The following SELENOI variants were observed in gnomAD, a reference collection of about 807,000 sequenced individuals.
The protein encoded by SELENOI is selenoprotein I.
A neutral mutation model predicts 50.7 loss-of-function variants in SELENOI; 24 were observed. The ratio of observed to expected loss-of-function variants is 0.47; its 90% CI spans 0.34 to 0.67. The LOEUF is 0.67. Among genes scored for constraint, SELENOI ranks in the 30% least tolerant of loss-of-function variants. The pLI is 0.01. For missense variants in SELENOI, 352 were observed against 461.4 expected, an observed-to-expected ratio of 0.76 and a Z score of 2.17; for synonymous variants, 155 against 170.2, an observed-to-expected ratio of 0.91 and a Z score of 0.70.
At position 26,394,784 on chromosome 2, in the gene SELENOI, G is replaced by C. The variant is rs1304516526; in HGVS notation, c.*5681G>C. The C allele has an allele frequency of 3.3e-5, 5 of 152,118 alleles. No individual in the cohort carries two copies. Among genetic ancestry groups the C allele is most frequent in the Non-Finnish European group, 7.3e-5 (5 of 68,030 alleles). The allele number at this position is 152,118 out of a possible 1,614,324, so 9.4% of individuals were successfully genotyped here. A position where few individuals can be genotyped will look rare whatever the true frequency, so the allele number is the denominator to read the frequency against. On this transcript the variant is annotated 3_prime_UTR_variant, in exon 10 of 10. Coordinates refer to ENST00000260585, the MANE Select transcript of SELENOI (RefSeq NM_033505.4). The surrounding 1 kb of genome is among the most constrained non-coding windows in gnomAD (Gnocchi z 4.1). ...TACAGTAAATTTGTAGCCAGTTGTA[G>C]AAAAAGAAATTGATATCTTTCTGAG...
intron 3 of SELENOI, 39 bp downstream of exon 3, chr2:26,364,979 A>G (rs1558414917): frequency 7.2e-7 from 1 of 1,386,964 alleles, no homozygotes; most frequent in Non-Finnish European, 9.8e-7. Flanking sequence ...AACTGAGTAG[A>G]AAAAAATGAA....
intron 1 of SELENOI, among the ~76,000 whole-genome samples, chr2:26,353,362 T>C (rs1676998912): frequency 6.6e-6 from 1 of 152,164 alleles, no homozygotes; most frequent in Non-Finnish European, 1.5e-5. Flanking sequence ...TTAGAGGACA[T>C]TTCTGTAAAA....
At chr2:26,346,436 G>A (rs1409389374) in intron 1 of SELENOI, 147 bp downstream of exon 1, 17 of 984,530 alleles carry the variant, frequency 1.7e-5, no homozygotes, top group Non-Finnish European at 2.3e-5. Flanking sequence ...GCGGGTCCTG[G>A]GGATTGGGGG....
intron 5 of SELENOI, among the ~76,000 whole-genome samples, chr2:26,374,486 T>C (rs954471393): frequency 2.0e-5 from 3 of 152,154 alleles, no homozygotes; most frequent in Non-Finnish European, 4.4e-5. Flanking sequence ...GAGTTGCTGT[T>C]AAAGTGCTCC....
chr2:26,376,112 AT>A (rs1482839654), intron 6 of SELENOI, among the ~76,000 whole-genome samples: 3 of 151,360 alleles, frequency 2.0e-5, no homozygotes, highest in Non-Finnish European at 4.4e-5. Flanking sequence ...AAAAAAAAGA[AT>A]AAATAAAAAA....
chr2:26,356,994 T>G (rs1677078368), intron 1 of SELENOI, among the ~76,000 whole-genome samples: 2 of 152,116 alleles, frequency 1.3e-5, no homozygotes, highest in Non-Finnish European at 1.5e-5. Context: ...GTCTTTCGTT[T>G]TCTCTCTCTT....
intron 8 of SELENOI, among the ~76,000 whole-genome samples, chr2:26,385,443 A>G (rs1677818621): frequency 1.3e-5 from 2 of 152,238 alleles, no homozygotes. Flanking sequence ...TAGACTCTAA[A>G]TATATTACCA....
At chr2:26,358,610 T>C (rs958456476) in intron 1 of SELENOI, among the ~76,000 whole-genome samples, 1 of 152,208 alleles carries the variant, frequency 6.6e-6, no homozygotes, top group African/African-American at 2.4e-5. Context: ...ATTATTAGCA[T>C]GACCAGATTT....
chr2:26,353,533 T>C (rs1677002019), intron 1 of SELENOI, among the ~76,000 whole-genome samples: 1 of 152,246 alleles, frequency 6.6e-6, no homozygotes, highest in South Asian at 2.1e-4. Flanking sequence ...GCATAACTTA[T>C]CTTTAATTGT....
At chr2:26,350,106 CAA>C (rs5830006) in intron 1 of SELENOI, among the ~76,000 whole-genome samples, 2 of 141,420 alleles carry the variant, frequency 1.4e-5, no homozygotes, top group Admixed American at 7.1e-5. Context: ...GACCCTGACT[CAA>C]AAAAAAAAAG....
At chr2:26,372,907 G>C (rs1677486810) in intron 4 of SELENOI, among the ~76,000 whole-genome samples, 2 of 151,936 alleles carry the variant, frequency 1.3e-5, no homozygotes, top group South Asian at 4.2e-4. Context: ...ATTTTTTTTA[G>C]AGGCAGGATC....
intron 4 of SELENOI, among the ~76,000 whole-genome samples, chr2:26,371,644 C>A (rs540169659): frequency 6.6e-6 from 1 of 152,212 alleles, no homozygotes; most frequent in African/African-American, 2.4e-5. Flanking sequence ...GGATCACTCG[C>A]GGTTAGGAGC....
At position 26,355,089 on chromosome 2, in the gene SELENOI, A is replaced by G. The variant is rs78891418; in HGVS notation, c.57+8800A>G. On this transcript the variant is annotated intron_variant, in intron 1 of 9. Transcript: ENST00000260585. ...CCCATAGGATAATTCTGAAAACTGA[A>G]TGAGTTAAAATTTATAAAGTGCCTG... 9.2e-3 allele frequency among the ~76,000 whole-genome samples: 1,397 copies of G among 152,330 alleles called. 13 individuals carry two copies. Among genetic ancestry groups the G allele is most frequent in the Middle Eastern group, 0.031 (9 of 294 alleles).
rs553469687 is a variant in SELENOI at position 26,391,963 on chromosome 2, C to A, written c.*2860C>A. 6.6e-6 allele frequency: 1 copy of A among 152,278 alleles called. No individual in the cohort carries two copies. Among genetic ancestry groups the A allele is most frequent in the Admixed American group, 6.5e-5 (1 of 15,298 alleles). The allele number at this position is 152,278 out of a possible 1,614,324, so 9.4% of individuals were successfully genotyped here. A position where few individuals can be genotyped will look rare whatever the true frequency, so the allele number is the denominator to read the frequency against. On this transcript the variant is annotated 3_prime_UTR_variant, in exon 10 of 10. Transcript: ENST00000260585. ...AGTCTTAAGGGTAACAGAGTGAATA[C>A]CTTCCAAATAAAAAGCTAAATATTC...
chr2:26,373,667 A>G (rs994117972), intron 5 of SELENOI, 38 bp downstream of exon 5: 75 of 1,588,922 alleles, frequency 4.7e-5, no homozygotes, highest in Non-Finnish European at 6.1e-5. Context: ...CAGTATTACC[A>G]TGATACTTTT....
At chr2:26,371,704 T>A (rs1677454116) in intron 4 of SELENOI, among the ~76,000 whole-genome samples, 2 of 152,238 alleles carry the variant, frequency 1.3e-5, no homozygotes, top group Non-Finnish European at 2.9e-5. Context: ...ACCAAAAAAA[T>A]ACGAAAACCA....
In SELENOI at chr2:26,346,309, G is replaced by A; in HGVS notation, c.57+20G>A. 6.2e-7 allele frequency: 1 copy of A among 1,603,394 alleles called. No individual in the cohort carries two copies. The highest frequency in any genetic ancestry group is 8.5e-7 in the Non-Finnish European group (1 of 1,173,638). On this transcript the variant is annotated intron_variant, in intron 1 of 9. Coordinates refer to ENST00000260585, the MANE Select transcript of SELENOI (RefSeq NM_033505.4). ...TACAAGGTACCGCGGGCCGGCGGAT[G>A]CCCCTCTCCCTGCTCCCGGCCTCGC...
chr2:26,386,901 A>G (rs952288808), intron 9 of SELENOI, among the ~76,000 whole-genome samples: 6 of 152,128 alleles, frequency 3.9e-5, no homozygotes, highest in Non-Finnish European at 8.8e-5. Flanking sequence ...CTATTTCTTC[A>G]CTTGCTTCTT....
chr2:26,360,613 C>G (rs943666991), intron 1 of SELENOI, among the ~76,000 whole-genome samples: 1 of 152,190 alleles, frequency 6.6e-6, no homozygotes, highest in African/African-American at 2.4e-5. Context: ...CATGTGATAT[C>G]TTAAACGGTT....
Sources: gnomAD v4.1 joint callset for allele counts (sites outside exome capture counted in the v4.1 genomes callset) on GRCh38, gnomAD v4.1.1 for gene constraint, Gnocchi (gnomAD v3.1) non-coding constraint, MANE v1.5 for transcripts, NCBI Gene and HGNC (gene_info 2026-07-23, HGNC 2026-07-21) for gene names.